The following HAP1 variants were observed in gnomAD, a reference collection of about 807,000 sequenced individuals.
HAP1 encodes huntingtin-associated protein 1.
HAP1 carries 59 observed loss-of-function variants against 60.3 expected under a neutral mutation model. The observed-to-expected ratio is 0.98, with a 90% CI of 0.79 to 1.22. The LOEUF (loss-of-function observed/expected upper bound fraction) is 1.22, where lower values mean the gene tolerates loss of function less well. Ranked by LOEUF, HAP1 falls within the 50% of genes most tolerant of loss-of-function variation. The probability of loss-of-function intolerance (pLI) is 0.00; values close to 1 mark genes in which losing one functional copy is unlikely to be tolerated. For missense variants in HAP1, 825 were observed against 785.3 expected (o/e 1.05, Z -0.60); for synonymous variants, 346 against 330.6 (o/e 1.05, Z -0.50).
chr17:41,734,473 G>A lies in HAP1; in HGVS notation c.162C>T (p.Ala54=). The change falls in exon 1 of 11, where the codon GCC becomes GCT. Residue 54 remains alanine (A), a synonymous_variant. Transcript: ENST00000347901. The stretch of plus-strand genomic sequence containing the variant: ...CCGAGAGGAACTGGGATCCAGAGGT[G>A]GCTCGGGATCCTACTCTCTGTCCAG... ...RGTGQRVGSR[A]TSGSQFLSEA... is the part of the protein sequence containing the mutation. The A allele has an allele frequency of 3.7e-6, 6 of 1,611,668 alleles. No homozygotes were observed. Among genetic ancestry groups the A allele is most frequent in the Non-Finnish European group, 5.1e-6 (6 of 1,179,122 alleles).
intron 6 of HAP1, among the ~76,000 whole-genome samples, chr17:41,728,543 C>G (rs1221694043): frequency 6.6e-6 from 1 of 152,200 alleles, no homozygotes; most frequent in Non-Finnish European, 1.5e-5. Context: ...GTCAGTAAGA[C>G]CCAGCCGCCA....
In HAP1 at chr17:41,724,863, G is replaced by C. The variant is rs782766832; in HGVS notation, c.1698C>G (p.Gly566=). The change falls in exon 11 of 11, where the codon GGC becomes GGG. Residue 566 remains glycine, a synonymous_variant. Coordinates refer to ENST00000347901, the MANE Select transcript of HAP1 (RefSeq NM_177977.3). ...CATAATTCATGTCCAGGTGTGAAGG[G>C]CCCAAGCCGCTGGCCTCCAGGGCTG... ...VTSALEASGL[G]PSHLDMNYVL... 4 of 1,613,574 alleles carry C rather than the reference G, an allele frequency of 2.5e-6. No homozygotes were observed. In the Admixed American group the frequency reaches 6.7e-5, roughly 27 times the overall value.
At chr17:41,730,328 A>C (rs1227671013) in intron 6 of HAP1, 8 of 151,718 alleles carry the variant, frequency 5.3e-5, no homozygotes, top group African/African-American at 1.9e-4. Flanking sequence ...TACAGCCCAG[A>C]ATTCACAGGC....
rs915813608 is a variant in HAP1 at position 41,732,343 on chromosome 17, C to A, written c.601G>T (p.Glu201Ter). 1 of 1,614,108 alleles carries A rather than the reference C, an allele frequency of 6.2e-7. No homozygotes were observed. Residue 201 changes from glutamate (E) to a stop codon, truncating the protein, a stop_gained, in exon 3 of 11, where the codon GAG (glutamate) becomes TAG (stop). Coordinates refer to ENST00000347901, the MANE Select transcript of HAP1 (RefSeq NM_177977.3). LOFTEE classifies it high-confidence loss of function. ...CGAGCTGCAGTGTTCAGGTCCCTCT[C>A]TCTCTGCAGGACCATCCCATAGGTA... ...SVTYGMVLQRERDLNTAARIG... is the reference protein window; with the variant it reads ...SVTYGMVLQR
Position 41,724,676 on chromosome 17 carries a change from C to A in HAP1, c.*25G>T. The stretch of plus-strand genomic sequence containing the variant: ...AGCCAGGCTGGGGCAGGTGAGCACT[C>A]GGGGAGCTTATCCACCCTCTCTTTT... On this transcript the variant is annotated 3_prime_UTR_variant, in exon 11 of 11. Transcript: ENST00000347901. 1 of 1,552,770 alleles carries A rather than the reference C, an allele frequency of 6.4e-7. No homozygotes were observed.
Position 41,725,121 on chromosome 17 carries a change from C to T in HAP1, c.1440G>A (p.Gln480=), listed in dbSNP as rs928549034. Residue 480 remains glutamine (Q), a synonymous_variant, in exon 11 of 11, where the codon CAG becomes CAA. Transcript: ENST00000347901. The part of the protein sequence containing the change: ...YDFRYSEDRE[Q]VRGFEAEEGL... ...CTTCCTCAGCCTCAAACCCCCGCAC[C>T]TGCTCTCGATCCTCACTGTAGCGAA... 1 of 1,604,436 alleles carries T rather than the reference C, an allele frequency of 6.2e-7. No homozygotes were observed. The highest frequency in any genetic ancestry group is 8.5e-7 in the Non-Finnish European group (1 of 1,174,330).
rs781977398 is a variant in HAP1, at chr17:41,724,673, A to C, written c.*28T>G. On this transcript the variant is annotated 3_prime_UTR_variant, in exon 11 of 11. Transcript: ENST00000347901. ...TAGAGCCAGGCTGGGGCAGGTGAGC[A>C]CTCGGGGAGCTTATCCACCCTCTCT... is the stretch of plus-strand genomic sequence containing the variant. The C allele has an allele frequency of 6.5e-7, 1 of 1,539,572 alleles. No homozygotes were observed. Among genetic ancestry groups the C allele is most frequent in the Non-Finnish European group, 8.9e-7 (1 of 1,129,422 alleles).
intron 6 of HAP1, among the ~76,000 whole-genome samples, chr17:41,729,350 C>G (rs1555589903): frequency 2.7e-5 from 4 of 146,688 alleles, no homozygotes; most frequent in East Asian, 2.1e-4. Flanking sequence ...AGGATTTCAA[C>G]ACCAGCTTGC....
In HAP1 at chr17:41,728,189, C is replaced by T. The variant is rs1555589498; in HGVS notation, c.1200+12G>A. 1.2e-6 allele frequency: 2 copies of T among 1,608,532 alleles called. No individual in the cohort carries two copies. Among genetic ancestry groups the T allele is most frequent in the Non-Finnish European group, 1.7e-6 (2 of 1,179,970 alleles). On this transcript the variant is annotated intron_variant, in intron 7 of 10. Transcript: ENST00000347901. ...GGCCACGACAAGAGGGTTCCACACA[C>T]ACCCGACTCACCATCCGGCAGCGCT...
At position 41,724,505 on chromosome 17, in the gene HAP1, G is replaced by GC; in HGVS notation, c.*195dup. ...AGTCCCAGCCCTAACCCCCAGCCCAGCCCCCAGGAGAAAAGTGGATGGAGA... is the reference window on the plus strand; with the variant it reads ...AGTCCCAGCCCTAACCCCCAGCCCAGCCCCCCAGGAGAAAAGTGGATGGAGA... On this transcript the variant is annotated 3_prime_UTR_variant, in exon 11 of 11. Transcript: ENST00000347901. 1 of 577,320 alleles carries GC rather than the reference G, an allele frequency of 1.7e-6. No homozygotes were observed. Among genetic ancestry groups the GC allele is most frequent in the South Asian group, 2.2e-5 (1 of 45,770 alleles). 35.8% of individuals were successfully genotyped at this position (577,320 alleles called of 1,614,324 possible). A position where few individuals can be genotyped will look rare whatever the true frequency, so the allele number is the denominator to read the frequency against.
chr17:41,719,890 CT>C (rs33939681), downstream of HAP1, among the ~76,000 whole-genome samples: 417 of 128,812 alleles, frequency 3.2e-3, 1 homozygote, highest in African/African-American at 5.5e-3. Flanking sequence ...AGATATTTAA[CT>C]TTTTTTTTTT....
chr17:41,734,622 TCTTCGGGCGCATC>T lies in HAP1; in HGVS notation c.-1_12del. On this transcript the variant is annotated start_lost and 5_prime_UTR_variant, in exon 1 of 11. Transcript: ENST00000347901. ...CTCCCCGCGCAGCACCGGCCCAACC[TCTTCGGGCGCATC>T]TCGAGTCTGCCGTCCGCTGCTGCGG... is the stretch of plus-strand genomic sequence containing the variant. 1.3e-6 allele frequency: 2 copies of T among 1,533,726 alleles called. No individual in the cohort carries two copies.
Position 41,732,339 on chromosome 17 carries a change from C to G in HAP1, c.605G>C (p.Arg202Thr). 1 of 1,613,354 alleles carries G rather than the reference C, an allele frequency of 6.2e-7. No homozygotes were observed. The highest frequency in any genetic ancestry group is 1.3e-5 in the African/African-American group (1 of 75,030). ...GATGCGAGCTGCAGTGTTCAGGTCC[C>G]TCTCTCTCTGCAGGACCATCCCATA... is the stretch of plus-strand genomic sequence containing the variant. The part of the protein sequence containing the change: ...VTYGMVLQRE[R>T]DLNTAARIGQ... The change falls in exon 3 of 11, where the codon AGG becomes ACG. Residue 202 changes from arginine to threonine, a missense_variant. Physicochemically the swap from Arg to Thr is moderately conservative, Grantham distance 71 (BLOSUM62 -1). Coordinates refer to ENST00000347901, the MANE Select transcript of HAP1 (RefSeq NM_177977.3).
rs1912537561 is a variant in HAP1, at chr17:41,734,402, G to A, written c.233C>T (p.Ala78Val). 2 of 1,607,494 alleles carry A rather than the reference G, an allele frequency of 1.2e-6. No homozygotes were observed. Among genetic ancestry groups the A allele is most frequent in the Admixed American group, 1.7e-5 (1 of 59,876 alleles). Residue 78 changes from alanine (A) to valine (V), a missense_variant, in exon 1 of 11, where the codon GCA (alanine) becomes GTA (valine). Ala to Val is a moderately conservative substitution (Grantham distance 64). Transcript: ENST00000347901. ...ARPASEAGAK[A>V]GARRPSAFSA... is the part of the protein sequence containing the mutation. ...GAATGCGGACGGGCGCCGGGCTCCTGCCTTGGCTCCAGCCTCCGAGGCCGG... is the reference window on the plus strand; with the variant it reads ...GAATGCGGACGGGCGCCGGGCTCCTACCTTGGCTCCAGCCTCCGAGGCCGG...
chr17:41,734,425 C>G lies in HAP1; in HGVS notation c.210G>C (p.Pro70=). Residue 70 remains proline (P), a synonymous_variant, in exon 1 of 11, where the codon CCG becomes CCC. Transcript: ENST00000347901. ...CTGCCTTGGCTCCAGCCTCCGAGGCCGGGCGAGCTCCGGTGCGGGCTTCCG... is the reference window on the plus strand; with the variant it reads ...CTGCCTTGGCTCCAGCCTCCGAGGCGGGGCGAGCTCCGGTGCGGGCTTCCG... ...FLSEARTGAR[P]ASEAGAKAGA... is the part of the protein sequence containing the mutation. 6.2e-7 allele frequency: 1 copy of G among 1,608,568 alleles called. No homozygotes were observed. The highest frequency in any genetic ancestry group is 1.3e-5 in the African/African-American group (1 of 74,976).
chr17:41,727,890 AC>A, intron 7 of HAP1, 54 bp from the exon 8 acceptor site: 9 of 1,088,782 alleles, frequency 8.3e-6, no homozygotes, highest in South Asian at 7.7e-5. Flanking sequence ...CACTCAGGGC[AC>A]CCCCTGCTTC....
chr17:41,728,182 C>T lies in HAP1; in HGVS notation c.1200+19G>A, dbSNP rs1911837462. 1 of 1,607,098 alleles carries T rather than the reference C, an allele frequency of 6.2e-7. No individual in the cohort carries two copies. On this transcript the variant is annotated intron_variant, in intron 7 of 10. Transcript: ENST00000347901. ...CCCATGGGGCCACGACAAGAGGGTT[C>T]CACACACACCCGACTCACCATCCGG... is the stretch of plus-strand genomic sequence containing the variant.
chr17:41,724,707 G>C lies in HAP1; in HGVS notation c.1854C>G (p.Cys618Trp). ...AASRTSCRSS[C>W]R ...GCTTATCCACCCTCTCTTTTCATCGGCACGACGATCTGCAGCTTGTCCGGC... is the reference window on the plus strand; with the variant it reads ...GCTTATCCACCCTCTCTTTTCATCGCCACGACGATCTGCAGCTTGTCCGGC... Residue 618 changes from cysteine to tryptophan, a missense_variant, in exon 11 of 11, where the codon TGC (cysteine) becomes TGG (tryptophan). Coordinates refer to ENST00000347901, the MANE Select transcript of HAP1 (RefSeq NM_177977.3). The C allele has an allele frequency of 6.3e-7, 1 of 1,587,992 alleles. No individual in the cohort carries two copies. The highest frequency in any genetic ancestry group is 1.1e-5 in the South Asian group (1 of 89,132).
At chr17:41,721,490 G>A (rs961437353), downstream of HAP1, 1 of 168,768 alleles carries the variant, frequency 5.9e-6, no homozygotes, top group Non-Finnish European at 1.4e-5. Flanking sequence ...TGGTCCACAA[G>A]GTGTTCTCCT....
Sources: allele counts gnomAD v4.1 joint callset (sites outside exome capture counted in the v4.1 genomes callset), GRCh38; gene constraint gnomAD v4.1.1; transcripts MANE v1.5; gene names NCBI Gene and HGNC (gene_info 2026-07-23, HGNC 2026-07-21).